The following EIF2D variants were observed in gnomAD, a reference collection of about 807,000 sequenced individuals.
The protein encoded by EIF2D is eukaryotic translation initiation factor 2D, also known as hepatocellular carcinoma-associated antigen 56.
A neutral mutation model predicts 77.4 loss-of-function variants in EIF2D; 56 were observed. The observed-to-expected ratio is 0.72, with a 90% CI of 0.58 to 0.90. The LOEUF is 0.90. EIF2D is among the 40% of genes least tolerant of loss of function. The pLI is 0.00. For missense variants in EIF2D, 574 were observed against 706.5 expected, an observed-to-expected ratio of 0.81 and a Z score of 2.13; for synonymous variants, 230 against 271.0, an observed-to-expected ratio of 0.85 and a Z score of 1.49.
At chr1:206,575,791 T>C (rs1196506847) in intron 4 of EIF2D, among the ~76,000 whole-genome samples, 1 of 152,216 alleles carries the variant, frequency 6.6e-6, no homozygotes, top group Non-Finnish European at 1.5e-5. Context: ...TCCCCAGACG[T>C]CACAGGTCAT....
chr1:206,583,565 A>G (rs1476599196), intron 2 of EIF2D: 46 of 580,162 alleles, frequency 7.9e-5, no homozygotes, highest in South Asian at 4.0e-5. Flanking sequence ...CATGTGCTTT[A>G]GGGAAATAGA....
At position 206,599,320 on chromosome 1, in the gene EIF2D, A is replaced by G. The variant is rs182012255; in HGVS notation, c.1202+143T>C. The G allele has an allele frequency of 5.8e-5, 68 of 1,178,118 alleles. No individual in the cohort carries two copies. In the African/African-American group the frequency reaches 1.0e-3, roughly 17 times the overall value. The allele number at this position is 1,178,118 out of a possible 1,614,324, so 73.0% of individuals were successfully genotyped here. A position where few individuals can be genotyped will look rare whatever the true frequency, so the allele number is the denominator to read the frequency against. The stretch of plus-strand genomic sequence containing the variant: ...GTCCAGAGGAACTTGCCCAGGGAAG[A>G]AGGCTGGAAGCTGGATTTTGGAGAA... On this transcript the variant is annotated intron_variant, in intron 10 of 14. Coordinates refer to ENST00000271764, the MANE Select transcript of EIF2D (RefSeq NM_006893.3). This position sits in a 1 kb window ranked among gnomAD's most constrained non-coding sequence, Gnocchi z 4.1.
In EIF2D at chr1:206,599,476, C is replaced by A; in HGVS notation, c.1189G>T (p.Glu397Ter). ...CCAAAAACTCACTTGTGGCCAGACT[C>A]CTGGAAGAGCAGGGTCATGCTGGCT... ...VPASMTLLFQ[E>*]SGHKKGSFLE... Residue 397 changes from glutamate (E) to a stop codon, truncating the protein, a stop_gained, in exon 10 of 15, where the codon GAG (glutamate) becomes TAG (stop). Transcript: ENST00000271764. LOFTEE classifies it high-confidence loss of function. The surrounding 1 kb of genome is among the most constrained non-coding windows in gnomAD (Gnocchi z 4.1). The A allele has an allele frequency of 6.2e-7, 1 of 1,613,860 alleles. No individual in the cohort carries two copies. The highest frequency in any genetic ancestry group is 8.5e-7 in the Non-Finnish European group (1 of 1,179,916).
At chr1:206,604,749 A>AT (rs1386855499) in intron 5 of EIF2D, 2 of 152,108 alleles carry the variant, frequency 1.3e-5, no homozygotes, top group Non-Finnish European at 2.9e-5. Flanking sequence ...AAAAAAAAAA[A>AT]AAATTAATAA....
chr1:206,587,002 G>C, downstream of EIF2D: 2 of 1,613,456 alleles, frequency 1.2e-6, no homozygotes, highest in East Asian at 4.5e-5. Flanking sequence ...CTCTCCTCCT[G>C]GTGCATTCAG....
Position 206,605,435 on chromosome 1 carries a change from G to A in EIF2D, c.495C>T (p.Gly165=). 1 of 1,614,090 alleles carries A rather than the reference G, an allele frequency of 6.2e-7. No homozygotes were observed. Among genetic ancestry groups the A allele is most frequent in the Non-Finnish European group, 8.5e-7 (1 of 1,180,004 alleles). Residue 165 remains glycine (G), a synonymous_variant, in exon 5 of 15, where the codon GGC becomes GGT. Transcript: ENST00000271764. ...CCTGGTAAGTGTGGAGCACAGAGAA[G>A]CCCCTTCCCTTCAGGCCTGACGTGA... ...EMLTSGLKGR[G]FSVLHTYQDH...
intron 2 of EIF2D, among the ~76,000 whole-genome samples, chr1:206,583,935 A>G (rs1237793740): frequency 2.0e-5 from 3 of 152,148 alleles, no homozygotes; most frequent in African/African-American, 7.2e-5. Flanking sequence ...AAATGCACCT[A>G]GGTTTAAGTC....
intron 2 of EIF2D, among the ~76,000 whole-genome samples, chr1:206,583,917 C>A (rs905510771): frequency 6.6e-5 from 10 of 152,162 alleles, no homozygotes; most frequent in Admixed American, 3.9e-4. Context: ...ACCAGAAAAT[C>A]CAGTCACAAA....
In EIF2D at chr1:206,603,153, A is replaced by G; in HGVS notation, c.582T>C (p.Asp194=). Residue 194 remains aspartate (D), a synonymous_variant, in exon 6 of 15, where the codon GAT becomes GAC. Coordinates refer to ENST00000271764, the MANE Select transcript of EIF2D (RefSeq NM_006893.3). ...SPPSIAPLAL[D]SADLSEEKGS... ...CCTTCTCTTCACTGAGATCTGCTGAATCCAGGGCCAGTGGAGCAATGGAAG... is the reference window on the plus strand; with the variant it reads ...CCTTCTCTTCACTGAGATCTGCTGAGTCCAGGGCCAGTGGAGCAATGGAAG... 6.2e-7 allele frequency: 1 copy of G among 1,614,124 alleles called. No individual in the cohort carries two copies. The highest frequency in any genetic ancestry group is 8.5e-7 in the Non-Finnish European group (1 of 1,180,032).
intron 14 of EIF2D, 113 bp downstream of exon 14, chr1:206,593,506 A>AGTGTGTGTGTGTGCGTGTGTGT (rs1286437460): frequency 1.1e-5 from 5 of 442,730 alleles, no homozygotes; most frequent in African/African-American, 2.4e-5. Flanking sequence ...AGAGAGAGAG[A>AGTGTGTGTGTGTGCGTGTGTGT]GAGTGTGTGT....
At chr1:206,577,951 G>A (rs1014136823) in intron 4 of EIF2D, among the ~76,000 whole-genome samples, 5 of 152,144 alleles carry the variant, frequency 3.3e-5, no homozygotes, top group African/African-American at 7.2e-5. Flanking sequence ...AGCCAGGCGC[G>A]GTGGGTCACA....
At position 206,599,131 on chromosome 1, in the gene EIF2D, G is replaced by C. The variant is rs1022846789; in HGVS notation, c.1203-39C>G. 6.3e-7 allele frequency: 1 copy of C among 1,592,766 alleles called. No individual in the cohort carries two copies. The highest frequency in any genetic ancestry group is 1.7e-4 in the Middle Eastern group (1 of 5,990). On this transcript the variant is annotated intron_variant, in intron 10 of 14. Coordinates refer to ENST00000271764, the MANE Select transcript of EIF2D (RefSeq NM_006893.3). The surrounding 1 kb of genome is among the most constrained non-coding windows in gnomAD (Gnocchi z 4.1). ...AGTGACCCAGGGGTTAGTTCATGCT[G>C]TGCCATGAGACAAAAATGCAGATGC...
rs782299398 is a variant in EIF2D, at chr1:206,599,653, T to C, written c.1053-41A>G. 1 of 1,606,908 alleles carries C rather than the reference T, an allele frequency of 6.2e-7. No individual in the cohort carries two copies. Among genetic ancestry groups the C allele is most frequent in the Non-Finnish European group, 8.5e-7 (1 of 1,177,010 alleles). On this transcript the variant is annotated intron_variant, in intron 9 of 14. Transcript: ENST00000271764. This position sits in a 1 kb window ranked among gnomAD's most constrained non-coding sequence, Gnocchi z 4.1. ...AGGAAAGAAAAAACACATTTTATAC[T>C]AGCATCTCAGCAATCCCCAGTCCGT...
At chr1:206,578,761 C>T (rs2103562765) in intron 4 of EIF2D, among the ~76,000 whole-genome samples, 1 of 152,244 alleles carries the variant, frequency 6.6e-6, no homozygotes, top group East Asian at 1.9e-4. Context: ...TCCTGGGTGC[C>T]CTGGGCCCAC....
rs1286437460 is a variant in EIF2D, at chr1:206,593,506, A to AGTGTGTGTGTGC, written c.1684+112_1684+113insGCACACACACAC. On this transcript the variant is annotated intron_variant, in intron 14 of 14. Coordinates refer to ENST00000271764, the MANE Select transcript of EIF2D (RefSeq NM_006893.3). ...GAGAGAGCGAGAGAGAGAGAGAGAG[A>AGTGTGTGTGTGC]GAGTGTGTGTGTGTGTGTGTGTGTG... 3,041 of 442,010 alleles carry AGTGTGTGTGTGC rather than the reference A, an allele frequency of 6.9e-3. 75 individuals carry two copies. The highest frequency in any genetic ancestry group is 0.03 in the East Asian group (715 of 24,178). 27.4% of individuals were successfully genotyped at this position (442,010 alleles called of 1,614,324 possible).
At chr1:206,581,769 A>T (rs1175018824) in intron 2 of EIF2D, among the ~76,000 whole-genome samples, 3 of 152,132 alleles carry the variant, frequency 2.0e-5, no homozygotes, top group Non-Finnish European at 4.4e-5. Context: ...CTGACATTGC[A>T]TCGGTTCTGT....
intron 14 of EIF2D, 132 bp downstream of exon 14, chr1:206,593,487 G>A (rs570790257): frequency 4.4e-6 from 2 of 457,004 alleles, no homozygotes; most frequent in Admixed American, 4.8e-5. Context: ...GAGAGAGAGA[G>A]CGAGAGAGAG....
intron 13 of EIF2D, chr1:206,594,794 T>C (rs1669556015): frequency 6.6e-6 from 1 of 152,354 alleles, no homozygotes; most frequent in South Asian, 2.1e-4. Flanking sequence ...TATTTGTCAT[T>C]ATTAACAGAA....
At position 206,584,660 on chromosome 1, in the gene EIF2D, A is replaced by G. The variant is rs782316266; in HGVS notation, c.139-3498T>C. Reference sequence around the variant, plus strand: ...CAATCCCCAGAAGTTTGCACTTTTTAAGCGGATACACAAGGACGGACAAGG... The same window carrying G: ...CAATCCCCAGAAGTTTGCACTTTTTGAGCGGATACACAAGGACGGACAAGG... On this transcript the variant is annotated intron_variant and NMD_transcript_variant, in intron 2 of 5. Coordinates refer to the EIF2D transcript ENST00000472709. The surrounding 1 kb of genome is among the most constrained non-coding windows in gnomAD (Gnocchi z 4.9). The G allele has an allele frequency of 8.7e-6, 14 of 1,614,098 alleles. No individual in the cohort carries two copies. In the Admixed American group the frequency reaches 2.2e-4, roughly 25 times the overall value.
Sources: gnomAD v4.1 joint callset for allele counts (sites outside exome capture counted in the v4.1 genomes callset) on GRCh38, gnomAD v4.1.1 for gene constraint, Gnocchi (gnomAD v3.1) non-coding constraint, MANE v1.5 for transcripts, NCBI Gene and HGNC (gene_info 2026-07-23, HGNC 2026-07-21) for gene names.